ATP9B: variants seen among roughly 807,000 people sequenced by gnomAD.
ATP9B encodes the protein ATPase phospholipid transporting 9B, also known as probable phospholipid-transporting ATPase IIB.
A neutral mutation model predicts 146.1 loss-of-function variants in ATP9B; 110 were observed. The observed-to-expected ratio is 0.75, with a 90% CI of 0.65 to 0.88. ATP9B has a LOEUF of 0.88. Among genes scored for constraint, ATP9B ranks in the 40% least tolerant of loss-of-function variants. ATP9B has a pLI of 0.00. For synonymous variants in ATP9B, 604 were observed against 569.7 expected, an observed-to-expected ratio of 1.06 and a Z score of -0.86; for missense variants, 1,499 against 1,496.4, an observed-to-expected ratio of 1.00 and a Z score of -0.03.
At chr18:79,317,544 A>AATTT (rs1353020935) in intron 15 of ATP9B, among the ~76,000 whole-genome samples, 3 of 152,192 alleles carry the variant, frequency 2.0e-5, no homozygotes, top group African/African-American at 7.2e-5. Context: ...AAATACCATA[A>AATTT]AAGTAGTGAT....
intron 15 of ATP9B, among the ~76,000 whole-genome samples, chr18:79,325,535 CTGTT>C (rs911603634): frequency 6.6e-6 from 1 of 152,172 alleles, no homozygotes; most frequent in African/African-American, 2.4e-5. Flanking sequence ...AACAGTTGGC[CTGTT>C]TGTCTATTTA....
At chr18:79,230,220 A>G (rs561003535) in intron 11 of ATP9B, among the ~76,000 whole-genome samples, 12 of 152,346 alleles carry the variant, frequency 7.9e-5, no homozygotes, top group East Asian at 1.9e-4. Context: ...AGCCACAGCA[A>G]TCGGACAAGA....
chr18:79,111,521 TAA>T (rs1172080164), intron 3 of ATP9B, among the ~76,000 whole-genome samples: 1 of 152,166 alleles, frequency 6.6e-6, no homozygotes, highest in Non-Finnish European at 1.5e-5. Flanking sequence ...TAATAAAATG[TAA>T]ACTGTCTTAC....
At chr18:79,174,194 A>G (rs1238782087) in intron 7 of ATP9B, 4 of 432,630 alleles carry the variant, frequency 9.2e-6, no homozygotes, top group Non-Finnish European at 1.8e-5. Context: ...TCTGTTTTTT[A>G]AATTGGATCT....
At chr18:79,298,241 C>A (rs936903511) in intron 13 of ATP9B, among the ~76,000 whole-genome samples, 2 of 146,940 alleles carry the variant, frequency 1.4e-5, no homozygotes, top group African/African-American at 5.0e-5. Flanking sequence ...ACAAAAAATT[C>A]TGTGAGCCAG....
chr18:79,206,623 C>CATAAATAA (rs71161762), intron 9 of ATP9B, among the ~76,000 whole-genome samples: 7,774 of 147,004 alleles, frequency 0.053, 245 homozygotes, highest in African/African-American at 0.076. Context: ...AATAACACCT[C>CATAAATAA]ATAAATAAAT....
At chr18:79,266,266 CCT>C (rs1341187079) in intron 12 of ATP9B, among the ~76,000 whole-genome samples, 1 of 151,916 alleles carries the variant, frequency 6.6e-6, no homozygotes, top group African/African-American at 2.4e-5. Flanking sequence ...GGAACCATTT[CCT>C]CTCTTTTTGC....
intron 14 of ATP9B, 31 bp from the exon 15 acceptor site, chr18:79,306,955 C>G (rs765617923): frequency 6.2e-7 from 1 of 1,611,314 alleles, no homozygotes; most frequent in Non-Finnish European, 8.5e-7. Context: ...TTTGCTCTAT[C>G]TTTAATTATG....
chr18:79,095,015 T>A (rs1218340232), intron 1 of ATP9B, among the ~76,000 whole-genome samples: 2 of 152,216 alleles, frequency 1.3e-5, no homozygotes, highest in Admixed American at 1.3e-4. Context: ...GAGGACTGAA[T>A]GACTGGGTTC....
intron 13 of ATP9B, among the ~76,000 whole-genome samples, chr18:79,299,199 A>T (rs1391051354): frequency 6.6e-6 from 1 of 151,436 alleles, no homozygotes; most frequent in African/African-American, 2.4e-5. Context: ...TCCAGAATGA[A>T]GCCGGGACTC....
chr18:79,264,063 C>T (rs906394220), intron 12 of ATP9B, among the ~76,000 whole-genome samples: 1 of 151,722 alleles, frequency 6.6e-6, no homozygotes, highest in South Asian at 2.1e-4. Flanking sequence ...CCAGCCCAGG[C>T]GACAGTGTAA....
intron 13 of ATP9B, among the ~76,000 whole-genome samples, chr18:79,277,602 G>A (rs1181588512): frequency 2.6e-5 from 4 of 151,894 alleles, no homozygotes; most frequent in Admixed American, 2.0e-4. Context: ...TGTTAATTTG[G>A]TATTTAATAC....
intron 4 of ATP9B, among the ~76,000 whole-genome samples, chr18:79,114,811 A>G (rs2094037206): frequency 1.3e-5 from 2 of 152,176 alleles, no homozygotes. Context: ...CATAGTGTGC[A>G]TGCATGCCTG....
At chr18:79,376,765 G>A (rs1043460344) in intron 29 of ATP9B, among the ~76,000 whole-genome samples, 2 of 149,244 alleles carry the variant, frequency 1.3e-5, no homozygotes, top group Non-Finnish European at 3.0e-5. Flanking sequence ...CGTGATCTGA[G>A]CTCACTGCAC....
chr18:79,339,707 T>C (rs116158268), intron 19 of ATP9B, among the ~76,000 whole-genome samples: 3 of 147,118 alleles, frequency 2.0e-5, no homozygotes, highest in Admixed American at 6.8e-5. Context: ...GTATCATGAT[T>C]GCAGTAGGAA....
rs865922445 is a variant in ATP9B, at chr18:79,348,275, A to C, written c.2903+79A>C. The C allele has an allele frequency of 1.2e-3, 1,419 of 1,216,698 alleles. 6 individuals are homozygous for C. The highest frequency in any genetic ancestry group is 2.2e-3 in the South Asian group (170 of 76,872). 75.4% of individuals were successfully genotyped at this position (1,216,698 alleles called of 1,614,324 possible). A position where few individuals can be genotyped will look rare whatever the true frequency, so the allele number is the denominator to read the frequency against. ...AAAAAAAAAAAAAAAAAAAACAAAA[A>C]ACGTATATAGAAGATTCTTGATACA... On this transcript the variant is annotated intron_variant, in intron 25 of 29. Coordinates refer to ENST00000426216, the MANE Select transcript of ATP9B (RefSeq NM_198531.5).
chr18:79,253,893 G>A (rs2096054233), intron 12 of ATP9B: 3 of 171,448 alleles, frequency 1.7e-5, no homozygotes, highest in South Asian at 3.6e-4. Flanking sequence ...TGATCTGTGT[G>A]GAATCACTGG....
At chr18:79,233,897 G>A (rs79188656) in intron 11 of ATP9B, among the ~76,000 whole-genome samples, 277 of 152,286 alleles carry the variant, frequency 1.8e-3, no homozygotes, top group Non-Finnish European at 3.1e-3. Flanking sequence ...ATGCTATTAA[G>A]AAAATCATAA....
intron 13 of ATP9B, among the ~76,000 whole-genome samples, chr18:79,290,355 C>G (rs534563813): frequency 2.0e-5 from 3 of 152,332 alleles, no homozygotes; most frequent in African/African-American, 7.2e-5. Context: ...TGCCGCCTTG[C>G]AGTTTGATCT....
Sources: gnomAD v4.1 joint callset for allele counts (sites outside exome capture counted in the v4.1 genomes callset) on GRCh38, gnomAD v4.1.1 for gene constraint, MANE v1.5 for transcripts, NCBI Gene and HGNC (gene_info 2026-07-23, HGNC 2026-07-21) for gene names.